LGR6: variants seen among roughly 807,000 people sequenced by gnomAD.
LGR6 encodes leucine rich repeat containing G protein-coupled receptor 6.
In LGR6, 45 loss-of-function variants were observed where a neutral mutation model predicts 69.4. That is an observed-to-expected ratio of 0.65 (90% CI 0.51 to 0.83). The LOEUF (loss-of-function observed/expected upper bound fraction) is 0.83, where lower values mean the gene tolerates loss of function less well. Among genes scored for constraint, LGR6 ranks in the 40% least tolerant of loss-of-function variants. The pLI, the probability that LGR6 is intolerant of heterozygous loss-of-function variation, is 0.00. For synonymous variants in LGR6, 538 were observed against 555.0 expected (o/e 0.97, Z 0.43); for missense variants, 1,108 against 1,246.7 (o/e 0.89, Z 1.68).
At position 202,268,424 on chromosome 1, in the gene LGR6, T is replaced by G. The variant is rs1664841728; in HGVS notation, c.429-7882T>G. On this transcript the variant is annotated intron_variant, in intron 4 of 17. Coordinates refer to ENST00000367278, the MANE Select transcript of LGR6 (RefSeq NM_001017403.2). This position sits in a 1 kb window ranked among gnomAD's most constrained non-coding sequence, Gnocchi z 4.4. ...TCAACGGCTCCCACGTGGAATATTT[T>G]CCCCACAGAATAACCATTTCCATAG... 6.6e-6 allele frequency among the ~76,000 whole-genome samples: 1 copy of G among 151,296 alleles called. No individual in the cohort carries two copies. Among genetic ancestry groups the G allele is most frequent in the South Asian group, 2.1e-4 (1 of 4,798 alleles).
intron 4 of LGR6, among the ~76,000 whole-genome samples, chr1:202,253,795 A>ATTTT (rs71141469): frequency 4.2e-5 from 2 of 47,960 alleles, no homozygotes. Flanking sequence ...CGCCTGGCTA[A>ATTTT]TTTTTTTTTT....
intron 1 of LGR6, among the ~76,000 whole-genome samples, chr1:202,195,902 C>G (rs1658623185): frequency 6.6e-6 from 1 of 152,106 alleles, no homozygotes. Flanking sequence ...ACACTGTCAC[C>G]TTTGGAATTC....
Position 202,318,710 on chromosome 1 carries a change from G to T in LGR6, c.2407G>T (p.Val803Phe). Residue 803 changes from valine to phenylalanine, a missense_variant, in exon 18 of 18, where the codon GTC becomes TTC. Val to Phe is a conservative substitution (Grantham distance 50). Transcript: ENST00000367278. ...SFASMLGLFPVTPEAVKSVLL... is the reference protein window; with the variant it reads ...SFASMLGLFPFTPEAVKSVLL... Reference sequence around the variant, plus strand: ...TGCCTCCATGCTGGGCCTCTTCCCTGTCACGCCCGAGGCCGTCAAGTCTGT... The same window carrying T: ...TGCCTCCATGCTGGGCCTCTTCCCTTTCACGCCCGAGGCCGTCAAGTCTGT... 6.2e-7 allele frequency: 1 copy of T among 1,613,522 alleles called. No homozygotes were observed. The highest frequency in any genetic ancestry group is 8.5e-7 in the Non-Finnish European group (1 of 1,180,018).
At chr1:202,301,075 A>T in intron 8 of LGR6, 89 bp from the exon 9 acceptor site, 1 of 1,400,022 alleles carries the variant, frequency 7.1e-7, no homozygotes, top group Non-Finnish European at 1.0e-6. Context: ...CTGGGTCTAC[A>T]TTGATAGGAG....
At chr1:202,253,232 T>C (rs2148068063) in intron 4 of LGR6, among the ~76,000 whole-genome samples, 2 of 152,208 alleles carry the variant, frequency 1.3e-5, no homozygotes, top group East Asian at 3.9e-4. Flanking sequence ...TGAAGACTCA[T>C]GAGATGACGT....
At chr1:202,317,809 T>G in intron 17 of LGR6, 143 bp from the exon 18 acceptor site, 2 of 808,638 alleles carry the variant, frequency 2.5e-6, no homozygotes, top group Non-Finnish European at 3.8e-6. Context: ...TCAGCCTCCC[T>G]TAGACTGGGA....
chr1:202,306,743 G>A (rs778750176), intron 12 of LGR6, 125 bp from the exon 13 acceptor site: 27 of 872,448 alleles, frequency 3.1e-5, no homozygotes, highest in Admixed American at 2.0e-5. Context: ...TCCTCGGGCT[G>A]GGCCCTTTCT....
At chr1:202,247,965 GAGA>G (rs1228698261) in intron 4 of LGR6, among the ~76,000 whole-genome samples, 3 of 152,194 alleles carry the variant, frequency 2.0e-5, no homozygotes, top group African/African-American at 7.2e-5. Context: ...ATCCTGATGA[GAGA>G]AGAAGGGTCG....
At chr1:202,263,587 A>G (rs1664407442) in intron 4 of LGR6, among the ~76,000 whole-genome samples, 1 of 152,146 alleles carries the variant, frequency 6.6e-6, no homozygotes, top group African/African-American at 2.4e-5. Context: ...TTATGGCTTC[A>G]GCACGGGGGT....
intron 4 of LGR6, among the ~76,000 whole-genome samples, chr1:202,254,046 C>G (rs1272908683): frequency 2.0e-5 from 3 of 151,750 alleles, no homozygotes; most frequent in African/African-American, 2.4e-5. Flanking sequence ...ACCTCGTGAT[C>G]CGCCCGCCTC....
At chr1:202,316,491 C>T (rs1343075929) in intron 17 of LGR6, among the ~76,000 whole-genome samples, 2 of 152,222 alleles carry the variant, frequency 1.3e-5, no homozygotes, top group East Asian at 3.8e-4. Flanking sequence ...CTCCAACATT[C>T]CCACATTGGG....
chr1:202,305,344 G>C (rs1358900427), intron 11 of LGR6, among the ~76,000 whole-genome samples: 2 of 152,198 alleles, frequency 1.3e-5, no homozygotes, highest in African/African-American at 4.8e-5. Context: ...GCTTGGGTTG[G>C]CATTGCTCAG....
chr1:202,251,652 C>T (rs1031878630), intron 4 of LGR6, among the ~76,000 whole-genome samples: 1 of 152,202 alleles, frequency 6.6e-6, no homozygotes, highest in Non-Finnish European at 1.5e-5. Context: ...CTGGGCTCCT[C>T]GGGGAGCCAC....
chr1:202,238,733 T>C (rs993825040), intron 4 of LGR6, among the ~76,000 whole-genome samples: 1 of 151,844 alleles, frequency 6.6e-6, no homozygotes, highest in African/African-American at 2.4e-5. Context: ...CTATTTTTTT[T>C]TTTTTTAAAC....
chr1:202,283,048 A>G (rs1041481712), intron 6 of LGR6, among the ~76,000 whole-genome samples: 4 of 152,202 alleles, frequency 2.6e-5, no homozygotes, highest in African/African-American at 9.7e-5. Flanking sequence ...TTCTAATCTG[A>G]AACATAATGC....
intron 17 of LGR6, among the ~76,000 whole-genome samples, chr1:202,317,399 C>T (rs1054792267): frequency 4.0e-5 from 6 of 151,254 alleles, no homozygotes; most frequent in Non-Finnish European, 8.8e-5. Flanking sequence ...GGCTGGAGTG[C>T]AGTAGAGCAA....
At chr1:202,210,643 G>A (rs1343745698) in intron 1 of LGR6, 1 of 152,212 alleles carries the variant, frequency 6.6e-6, no homozygotes, top group Admixed American at 6.5e-5. Context: ...CTCGTGGCCA[G>A]GCTTGGGTTT....
intron 16 of LGR6, among the ~76,000 whole-genome samples, chr1:202,310,748 T>C (rs546477384): frequency 6.6e-6 from 1 of 152,252 alleles, no homozygotes; most frequent in East Asian, 1.9e-4. Flanking sequence ...TCTGAGCCAA[T>C]AGGATTTAAT....
At chr1:202,313,226 CAAAAA>C in intron 16 of LGR6, among the ~76,000 whole-genome samples, 2 of 96,142 alleles carry the variant, frequency 2.1e-5, no homozygotes, top group East Asian at 2.9e-4. Context: ...GACTCCATCT[CAAAAA>C]AAAAAAAAAA....
Sources: gnomAD v4.1 joint callset for allele counts (sites outside exome capture counted in the v4.1 genomes callset) on GRCh38, gnomAD v4.1.1 for gene constraint, Gnocchi (gnomAD v3.1) non-coding constraint, MANE v1.5 for transcripts, NCBI Gene and HGNC (gene_info 2026-07-23, HGNC 2026-07-21) for gene names.